HS6ST3: variants seen among roughly 807,000 people sequenced by gnomAD.
HS6ST3 encodes heparan-sulfate 6-O-sulfotransferase 3.
Under a neutral mutation model 36.7 loss-of-function variants are expected in HS6ST3, and 12 were observed. The observed-to-expected ratio is 0.33, with a 90% CI of 0.21 to 0.53. The LOEUF (loss-of-function observed/expected upper bound fraction) is 0.53. Ranked by LOEUF, HS6ST3 falls within the 20% of genes least tolerant of loss-of-function variation. The pLI, the probability that HS6ST3 is intolerant of heterozygous loss-of-function variation, is 0.95. For synonymous variants in HS6ST3, 240 were observed against 257.5 expected (o/e 0.93, Z 0.65); for missense variants, 584 against 640.9 (o/e 0.91, Z 0.96).
chr13:96,436,185 T>C (rs2055640795), intron 1 of HS6ST3, among the ~76,000 whole-genome samples: 2 of 152,226 alleles, frequency 1.3e-5, no homozygotes, highest in Non-Finnish European at 2.9e-5. Flanking sequence ...GAAAAAGTCT[T>C]TTCACCAAAT....
intron 1 of HS6ST3, among the ~76,000 whole-genome samples, chr13:96,373,408 G>C (rs1457711438): frequency 6.6e-6 from 1 of 152,090 alleles, no homozygotes; most frequent in Non-Finnish European, 1.5e-5. Context: ...AAATTGAATA[G>C]GACTATATAT....
chr13:96,665,495 G>A (rs2138427484), intron 1 of HS6ST3, among the ~76,000 whole-genome samples: 1 of 152,266 alleles, frequency 6.6e-6, no homozygotes, highest in Non-Finnish European at 1.5e-5. Flanking sequence ...AGAAGCATTA[G>A]GGACAGCTCA....
chr13:96,613,168 G>A (rs1191699159), intron 1 of HS6ST3, among the ~76,000 whole-genome samples: 2 of 151,976 alleles, frequency 1.3e-5, no homozygotes, highest in African/African-American at 4.8e-5. Context: ...TGTATAGGTT[G>A]GTCTCTTTCT....
rs143063802 is a variant in HS6ST3, at chr13:96,240,712, A to G, written c.707+149143A>G. On this transcript the variant is annotated intron_variant, in intron 1 of 1. Transcript: ENST00000376705. ...ACATTGGCAGTGCCCATGAGCCATG[A>G]TAAAGGAACTTGTACTTTATCCTAA... 2.7e-3 allele frequency among the ~76,000 whole-genome samples: 410 copies of G among 152,348 alleles called. 3 individuals carry two copies. Among genetic ancestry groups the G allele is most frequent in the African/African-American group, 9.4e-3 (392 of 41,586 alleles).
chr13:96,615,730 A>T (rs1459578775), intron 1 of HS6ST3, among the ~76,000 whole-genome samples: 1 of 152,198 alleles, frequency 6.6e-6, no homozygotes, highest in African/African-American at 2.4e-5. Flanking sequence ...GGTTTTTAAG[A>T]CCTTGTGACA....
In HS6ST3 at chr13:96,225,186, G is replaced by A. The variant is rs749302846; in HGVS notation, c.707+133617G>A. ...ACACCTGACAGGTTTACCCATATGC[G>A]AAGTCATTTGAGAAGTAAATGTGCA... On this transcript the variant is annotated intron_variant, in intron 1 of 1. Coordinates refer to ENST00000376705, the MANE Select transcript of HS6ST3 (RefSeq NM_153456.4). Among the ~76,000 whole-genome samples, 7 of 152,188 alleles carry A rather than the reference G, an allele frequency of 4.6e-5. No homozygotes were observed. The East Asian group carries it at 9.6e-4, about 21-fold the overall frequency.
At chr13:96,666,052 G>A (rs2056663323) in intron 1 of HS6ST3, among the ~76,000 whole-genome samples, 1 of 152,094 alleles carries the variant, frequency 6.6e-6, no homozygotes. Context: ...AAAGGAAAAA[G>A]GTTTAATTGA....
chr13:96,142,205 C>T (rs117393069), intron 1 of HS6ST3, among the ~76,000 whole-genome samples: 3 of 152,248 alleles, frequency 2.0e-5, no homozygotes, highest in Non-Finnish European at 4.4e-5. Flanking sequence ...ATGAAAGTGA[C>T]AGCATCAATC....
intron 1 of HS6ST3, among the ~76,000 whole-genome samples, chr13:96,292,744 G>A (rs1365451739): frequency 1.3e-5 from 2 of 152,036 alleles, no homozygotes; most frequent in African/African-American, 4.8e-5. Flanking sequence ...TGAATAAATA[G>A]CAAGATTATT....
At chr13:96,814,460 T>A (rs1421460168) in intron 1 of HS6ST3, among the ~76,000 whole-genome samples, 1 of 152,168 alleles carries the variant, frequency 6.6e-6, no homozygotes, top group Non-Finnish European at 1.5e-5. Flanking sequence ...CTGGAAGCAT[T>A]TGGATCTTGT....
At chr13:96,703,928 C>A (rs1875353475) in intron 1 of HS6ST3, among the ~76,000 whole-genome samples, 1 of 152,130 alleles carries the variant, frequency 6.6e-6, no homozygotes, top group Non-Finnish European at 1.5e-5. Context: ...CCTCTCCCCA[C>A]CCCCACAAGC....
In HS6ST3 at chr13:96,305,086, A is replaced by G. The variant is rs969384809; in HGVS notation, c.707+213517A>G. On this transcript the variant is annotated intron_variant, in intron 1 of 1. Transcript: ENST00000376705. ...ATTCATCAAGAGATCACAGGAATCT[A>G]ATAATTCTTCTGAAATTGATTCCTG... 5.9e-5 allele frequency among the ~76,000 whole-genome samples: 9 copies of G among 152,262 alleles called. No individual in the cohort carries two copies. In the South Asian group the frequency reaches 1.7e-3, roughly 28 times the overall value.
chr13:96,489,053 G>T (rs1014331196), intron 1 of HS6ST3, among the ~76,000 whole-genome samples: 2 of 151,880 alleles, frequency 1.3e-5, no homozygotes, highest in Admixed American at 1.3e-4. Flanking sequence ...AAATATTTGT[G>T]AGAAAAAATA....
At chr13:96,701,103 C>T (rs1279962312) in intron 1 of HS6ST3, among the ~76,000 whole-genome samples, 9 of 152,124 alleles carry the variant, frequency 5.9e-5, no homozygotes, top group South Asian at 2.1e-4. Flanking sequence ...GAAAAAAACA[C>T]GTTGGATAAT....
chr13:96,414,933 A>T (rs2055525803), intron 1 of HS6ST3, among the ~76,000 whole-genome samples: 1 of 152,196 alleles, frequency 6.6e-6, no homozygotes, highest in African/African-American at 2.4e-5. Flanking sequence ...AGAATTCTTG[A>T]TATTCGTGCA....
intron 1 of HS6ST3, among the ~76,000 whole-genome samples, chr13:96,255,379 T>C (rs2054631934): frequency 6.6e-6 from 1 of 152,222 alleles, no homozygotes; most frequent in South Asian, 2.1e-4. Flanking sequence ...GTGAAAACAT[T>C]ATCAAATTTC....
intron 1 of HS6ST3, among the ~76,000 whole-genome samples, chr13:96,186,213 G>A (rs1314911517): frequency 6.6e-6 from 1 of 152,114 alleles, no homozygotes. Flanking sequence ...TTTGCAAAGT[G>A]TTTTCCTTTT....
At chr13:96,348,375 T>C (rs2055165960) in intron 1 of HS6ST3, among the ~76,000 whole-genome samples, 1 of 152,214 alleles carries the variant, frequency 6.6e-6, no homozygotes, top group Admixed American at 6.5e-5. Context: ...CACTGAAAGC[T>C]GTGGGTTGTG....
intron 1 of HS6ST3, among the ~76,000 whole-genome samples, chr13:96,627,930 A>G (rs879911285): frequency 1.3e-5 from 2 of 151,720 alleles, no homozygotes; most frequent in Admixed American, 6.6e-5. Context: ...TTCTAAATTA[A>G]TATTATCAAA....
Sources: gnomAD v4.1 joint callset for allele counts (sites outside exome capture counted in the v4.1 genomes callset) on GRCh38, gnomAD v4.1.1 for gene constraint, MANE v1.5 for transcripts, NCBI Gene and HGNC (gene_info 2026-07-23, HGNC 2026-07-21) for gene names.